Variants in PHF2 observed in about 807,000 individuals in gnomAD.
The protein encoded by PHF2 is PHD finger protein 2, also known as lysine-specific demethylase PHF2.
Under a neutral mutation model 120.5 loss-of-function variants are expected in PHF2, and 27 were observed. The ratio of observed to expected loss-of-function variants is 0.22; its 90% CI spans 0.17 to 0.31. PHF2 has a LOEUF of 0.31. Ranked by LOEUF, PHF2 falls within the 10% of genes least tolerant of loss-of-function variation. The pLI is 1.00. For missense variants in PHF2, 1,024 were observed against 1,434.8 expected, an observed-to-expected ratio of 0.71 and a Z score of 4.63; for synonymous variants, 568 against 592.5, an observed-to-expected ratio of 0.96 and a Z score of 0.60.
At chr9:93,668,003 G>C (rs917374534) in intron 17 of PHF2, among the ~76,000 whole-genome samples, 1 of 152,222 alleles carries the variant, frequency 6.6e-6, no homozygotes, top group African/African-American at 2.4e-5. Context: ...CCCCAAGCTT[G>C]TTCAGTGGGC....
chr9:93,618,342 C>T (rs534735795), intron 1 of PHF2, among the ~76,000 whole-genome samples: 1 of 152,368 alleles, frequency 6.6e-6, no homozygotes, highest in East Asian at 1.9e-4. Context: ...ACATGACACA[C>T]TCGTGGGCAG....
chr9:93,584,214 A>G (rs149532209), intron 1 of PHF2, among the ~76,000 whole-genome samples: 11 of 152,316 alleles, frequency 7.2e-5, no homozygotes, highest in African/African-American at 2.2e-4. Context: ...GATAATGACT[A>G]CTGATGCACA....
intron 5 of PHF2, among the ~76,000 whole-genome samples, chr9:93,650,576 G>A (rs113246174): frequency 2.0e-5 from 3 of 152,160 alleles, no homozygotes; most frequent in African/African-American, 4.8e-5. Flanking sequence ...TCAGCCCTGC[G>A]GTCACTGGGT....
At chr9:93,648,397 T>C (rs1318204856) in intron 4 of PHF2, among the ~76,000 whole-genome samples, 1 of 152,242 alleles carries the variant, frequency 6.6e-6, no homozygotes, top group African/African-American at 2.4e-5. Context: ...CTGGCCACAC[T>C]CTTGCAGTGA....
At position 93,677,259 on chromosome 9, in the gene PHF2, C is replaced by T. The variant is rs370107825; in HGVS notation, c.3202+296C>T. Among the ~76,000 whole-genome samples, 48 of 151,540 alleles carry T rather than the reference C, an allele frequency of 3.2e-4. No individual in the cohort carries two copies. Among genetic ancestry groups the T allele is most frequent in the South Asian group, 1.1e-3 (5 of 4,694 alleles). ...GCTGTGGGGACTGAGTGATGCAGCA[C>T]GGGGTGCTGGCAGTGGCTCCTGGCC... On this transcript the variant is annotated intron_variant, in intron 21 of 21. Coordinates refer to ENST00000359246, the MANE Select transcript of PHF2 (RefSeq NM_005392.4). This position sits in a 1 kb window ranked among gnomAD's most constrained non-coding sequence, Gnocchi z 4.4.
At chr9:93,579,197 C>G (rs1006940546) in intron 1 of PHF2, among the ~76,000 whole-genome samples, 1 of 152,196 alleles carries the variant, frequency 6.6e-6, no homozygotes, top group Non-Finnish European at 1.5e-5. Context: ...CGGGGTTTCT[C>G]CACCTCCAGA....
intron 1 of PHF2, among the ~76,000 whole-genome samples, chr9:93,602,247 C>CTTTTT (rs67001312): frequency 0.013 from 1,068 of 79,608 alleles, 91 homozygotes; most frequent in Non-Finnish European, 0.015. Context: ...CCTAGAGATT[C>CTTTTT]TTTTTTTTTT....
rs571103425 is a variant in PHF2 at position 93,597,992 on chromosome 9, C to A, written c.98+21121C>A. Among the ~76,000 whole-genome samples the A allele has an allele frequency of 2.6e-4, 39 of 152,276 alleles. No homozygotes were observed. The South Asian group carries it at 7.3e-3, about 28-fold the overall frequency. ...GGCAGGGGTCCTCAGGTCAACATGG[C>A]ACATTGGGGGCACCTCTGCCAGCTC... On this transcript the variant is annotated intron_variant, in intron 1 of 21. Transcript: ENST00000359246.
intron 20 of PHF2, 130 bp downstream of exon 20, chr9:93,675,919 T>C (rs1020920035): frequency 3.1e-6 from 2 of 643,206 alleles, no homozygotes; most frequent in Non-Finnish European, 5.5e-6. Context: ...GGTCACAGGC[T>C]TGGGGACATT....
At position 93,616,565 on chromosome 9, in the gene PHF2, AAAGT is replaced by A. The variant is rs1196830282; in HGVS notation, c.99-13401_99-13398del. Among the ~76,000 whole-genome samples, 6 of 152,270 alleles carry A rather than the reference AAAGT, an allele frequency of 3.9e-5. No homozygotes were observed. The South Asian group carries it at 1.0e-3, about 26-fold the overall frequency. ...TGTGCCAGATGCTGCAGAGGGCGGC[AAAGT>A]AAGGTGAAGGCTCTGCCTGTCTGCC... On this transcript the variant is annotated intron_variant, in intron 1 of 21. Coordinates refer to ENST00000359246, the MANE Select transcript of PHF2 (RefSeq NM_005392.4).
intron 1 of PHF2, among the ~76,000 whole-genome samples, chr9:93,611,415 C>CA (rs35037748): frequency 0.32 from 44,472 of 140,620 alleles, 7,441 homozygotes; most frequent in Non-Finnish European, 0.4. Flanking sequence ...AACTCTGTCT[C>CA]AAAAAAAAAA....
chr9:93,674,761 C>A (rs1242916721), intron 18 of PHF2, among the ~76,000 whole-genome samples, 166 bp from the exon 19 acceptor site: 1 of 152,166 alleles, frequency 6.6e-6, no homozygotes, highest in East Asian at 1.9e-4. Context: ...GTGTCCTCAC[C>A]ATGGGCAGCT....
In PHF2 at chr9:93,660,048, G is replaced by A; in HGVS notation, c.1330-144G>A. On this transcript the variant is annotated intron_variant, in intron 11 of 21. Coordinates refer to ENST00000359246, the MANE Select transcript of PHF2 (RefSeq NM_005392.4). ...TGGGTTGGGTGTGAGTGTGTCACAT[G>A]ATGGTGTGGGGTAGCTGAGCCTTTC... 4 of 972,970 alleles carry A rather than the reference G, an allele frequency of 4.1e-6. No homozygotes were observed. In the South Asian group the frequency reaches 7.2e-5, roughly 18 times the overall value. The allele number at this position is 972,970 out of a possible 1,614,324, so 60.3% of individuals were successfully genotyped here.
chr9:93,659,938 G>C (rs1235139095), intron 11 of PHF2, among the ~76,000 whole-genome samples: 2 of 152,180 alleles, frequency 1.3e-5, no homozygotes, highest in Non-Finnish European at 2.9e-5. Flanking sequence ...GCCCTCAGCC[G>C]CTGTGCTGGG....
chr9:93,591,066 C>T (rs566069021), intron 1 of PHF2, among the ~76,000 whole-genome samples: 2 of 152,290 alleles, frequency 1.3e-5, no homozygotes, highest in Non-Finnish European at 2.9e-5. Context: ...TCCAACATCA[C>T]TCAGCAGACA....
rs1826977586 is a variant in PHF2 at position 93,679,282 on chromosome 9, G to A, written c.*1606G>A. On this transcript the variant is annotated 3_prime_UTR_variant, in exon 22 of 22. Coordinates refer to ENST00000359246, the MANE Select transcript of PHF2 (RefSeq NM_005392.4). Reference sequence around the variant, plus strand: ...CGCAGTCCCTAGGGCCCGAGACTGGGTGGGAGAGGGGGAGTCTCACGGGGC... The same window carrying A: ...CGCAGTCCCTAGGGCCCGAGACTGGATGGGAGAGGGGGAGTCTCACGGGGC... The A allele has an allele frequency of 2.2e-6, 1 of 455,670 alleles. No individual in the cohort carries two copies. The highest frequency in any genetic ancestry group is 4.4e-6 in the Non-Finnish European group (1 of 226,914). The allele number at this position is 455,670 out of a possible 1,614,324, so 28.2% of individuals were successfully genotyped here.
At chr9:93,662,770 G>A in intron 12 of PHF2, 137 bp from the exon 13 acceptor site, 1 of 898,138 alleles carries the variant, frequency 1.1e-6, no homozygotes, top group Non-Finnish European at 1.8e-6. Flanking sequence ...GTGGGTGAAT[G>A]GATGCGTGGA....
At chr9:93,579,763 G>C (rs1220925368) in intron 1 of PHF2, among the ~76,000 whole-genome samples, 1 of 152,240 alleles carries the variant, frequency 6.6e-6, no homozygotes, top group African/African-American at 2.4e-5. Context: ...GAATTGGAGA[G>C]AGGGTCTCTA....
At chr9:93,650,315 C>T (rs577010747) in intron 5 of PHF2, among the ~76,000 whole-genome samples, 5 of 152,260 alleles carry the variant, frequency 3.3e-5, no homozygotes, top group South Asian at 4.2e-4. Context: ...ACTCATGACA[C>T]GCTTATGACA....
Sources: gnomAD v4.1 joint callset for allele counts (sites outside exome capture counted in the v4.1 genomes callset) on GRCh38, gnomAD v4.1.1 for gene constraint, Gnocchi (gnomAD v3.1) non-coding constraint, MANE v1.5 for transcripts, NCBI Gene and HGNC (gene_info 2026-07-23, HGNC 2026-07-21) for gene names.